UNC13C: variants seen among roughly 807,000 people sequenced by gnomAD.
UNC13C encodes protein unc-13 homolog C.
Under a neutral mutation model 245.4 loss-of-function variants are expected in UNC13C, and 174 were observed. That is an observed-to-expected ratio of 0.71 (90% confidence interval 0.63 to 0.80). UNC13C has a LOEUF of 0.80. Among genes scored for constraint, UNC13C ranks in the 30% least tolerant of loss-of-function variants. UNC13C has a pLI of 0.00. For synonymous variants in UNC13C, 992 were observed against 895.1 expected (o/e 1.11, Z -1.93); for missense variants, 2,829 against 2,602.9 (o/e 1.09, Z -1.89).
At chr15:54,510,940 C>T (rs1175875135) in intron 23 of UNC13C, among the ~76,000 whole-genome samples, 2 of 152,038 alleles carry the variant, frequency 1.3e-5, no homozygotes, top group African/African-American at 4.8e-5. Flanking sequence ...CACATCTAGA[C>T]CTGTCACAAA....
chr15:53,978,461 C>T lies in UNC13C; in HGVS notation c.-723C>T, dbSNP rs1472090173. ...CATTCAGAAAAGACTCAGCCGCAGC[C>T]GGCGATGTGTGAAGTTCCCAGCACG... On this transcript the variant is annotated 5_prime_UTR_variant, in exon 1 of 33. Coordinates refer to ENST00000260323, the MANE Select transcript of UNC13C (RefSeq NM_001080534.3). 7.9e-5 allele frequency among the ~76,000 whole-genome samples: 12 copies of T among 152,118 alleles called. No homozygotes were observed. The highest frequency in any genetic ancestry group is 2.2e-4 in the African/African-American group (9 of 41,416).
chr15:53,999,985 G>A (rs1894811674), intron 1 of UNC13C, among the ~76,000 whole-genome samples: 1 of 151,958 alleles, frequency 6.6e-6, no homozygotes, highest in Admixed American at 6.6e-5. Flanking sequence ...TGAGCTCTGT[G>A]CATATGAATA....
chr15:54,049,856 A>G (rs1455675820), intron 2 of UNC13C: 4 of 236,774 alleles, frequency 1.7e-5, no homozygotes, highest in East Asian at 1.3e-4. Flanking sequence ...GGCTGTAACT[A>G]TCCCATGCCT....
chr15:54,353,638 T>A (rs2039033160), intron 17 of UNC13C, among the ~76,000 whole-genome samples: 1 of 152,210 alleles, frequency 6.6e-6, no homozygotes, highest in African/African-American at 2.4e-5. Context: ...CTGGCCTCAT[T>A]TACTTAACCT....
intron 17 of UNC13C, among the ~76,000 whole-genome samples, chr15:54,369,340 G>A (rs993885966): frequency 3.3e-5 from 5 of 152,044 alleles, no homozygotes; most frequent in Admixed American, 6.6e-5. Context: ...TGCCTTTGCC[G>A]AAGCCCTTTT....
chr15:54,511,641 CTAATA>C lies in UNC13C; in HGVS notation c.5380-106_5380-102del, dbSNP rs1894744432. The C allele has an allele frequency of 7.1e-6, 5 of 704,544 alleles. No individual in the cohort carries two copies. The East Asian group carries it at 1.4e-4, about 20-fold the overall frequency. The allele number at this position is 704,544 out of a possible 1,614,324, so 43.6% of individuals were successfully genotyped here. On this transcript the variant is annotated intron_variant, in intron 23 of 32. Coordinates refer to ENST00000260323, the MANE Select transcript of UNC13C (RefSeq NM_001080534.3). Reference sequence around the variant, plus strand: ...GAAATAGCAGAATTAGTATATACATCTAATATAATAGGAATCCAAGATAGCTATTT... The same window carrying C: ...GAAATAGCAGAATTAGTATATACATCTAATAGGAATCCAAGATAGCTATTT...
intron 4 of UNC13C, among the ~76,000 whole-genome samples, chr15:54,180,669 T>C (rs1464944257): frequency 6.6e-6 from 1 of 152,078 alleles, no homozygotes; most frequent in Non-Finnish European, 1.5e-5. Flanking sequence ...CTGTTGTTTT[T>C]GACTTTTTAA....
At chr15:54,612,631 C>T (rs945995474) in intron 30 of UNC13C, among the ~76,000 whole-genome samples, 2 of 151,936 alleles carry the variant, frequency 1.3e-5, no homozygotes, top group Non-Finnish European at 2.9e-5. Flanking sequence ...TCATTGACTC[C>T]ATTCATTTAC....
Position 54,627,014 on chromosome 15 carries a change from G to A in UNC13C, c.6546G>A (p.Leu2182=), listed in dbSNP as rs1275033965. 1.2e-6 allele frequency: 2 copies of A among 1,613,380 alleles called. No homozygotes were observed. The highest frequency in any genetic ancestry group is 1.7e-5 in the Admixed American group (1 of 59,886). ...LKNISMDETG[L]TILRILSQRT... is the part of the protein sequence containing the mutation. ...ATATCTCTATGGATGAAACTGGTTTGACTATCCTTAGAATACTCTCTCAGA... is the reference window on the plus strand; with the variant it reads ...ATATCTCTATGGATGAAACTGGTTTAACTATCCTTAGAATACTCTCTCAGA... The change falls in exon 33 of 33, where the codon TTG becomes TTA. Residue 2182 remains leucine, a synonymous_variant. Transcript: ENST00000260323.
At chr15:54,587,151 G>A (rs571632217) in intron 30 of UNC13C, among the ~76,000 whole-genome samples, 5 of 152,010 alleles carry the variant, frequency 3.3e-5, no homozygotes, top group Non-Finnish European at 7.4e-5. Flanking sequence ...TCAAACTGTT[G>A]TGTCATGTTG....
At chr15:54,162,130 T>A (rs1327898421) in intron 4 of UNC13C, among the ~76,000 whole-genome samples, 1 of 152,202 alleles carries the variant, frequency 6.6e-6, no homozygotes, top group Admixed American at 6.5e-5. Context: ...TTCATGTGCA[T>A]GTGTGTACGT....
At chr15:53,962,854 C>T in the UNC13C span, among the ~76,000 whole-genome samples, 1 of 152,192 alleles carries the variant, frequency 6.6e-6, no homozygotes, top group Non-Finnish European at 1.5e-5. Context: ...CCTTCACTGC[C>T]CTCATCAGAA....
At chr15:54,269,548 AG>A (rs2036631801) in intron 10 of UNC13C, among the ~76,000 whole-genome samples, 1 of 152,170 alleles carries the variant, frequency 6.6e-6, no homozygotes, top group African/African-American at 2.4e-5. Flanking sequence ...AAATCAACTG[AG>A]TAATGATAAG....
chr15:54,213,826 A>T (rs752094994), intron 4 of UNC13C, among the ~76,000 whole-genome samples: 2 of 152,116 alleles, frequency 1.3e-5, no homozygotes, highest in Middle Eastern at 3.4e-3. Context: ...CAACTTGCCA[A>T]CCTAACAGGT....
chr15:54,515,803 G>C (rs1252999508), intron 24 of UNC13C, among the ~76,000 whole-genome samples: 1 of 152,144 alleles, frequency 6.6e-6, no homozygotes, highest in Non-Finnish European at 1.5e-5. Flanking sequence ...TTCATCTGTT[G>C]ACCACAGGCA....
intron 19 of UNC13C, among the ~76,000 whole-genome samples, chr15:54,456,874 T>G (rs1354987775): frequency 6.6e-6 from 1 of 152,106 alleles, no homozygotes; most frequent in Admixed American, 6.5e-5. Context: ...CTTCATTACT[T>G]TCTCTTGTCT....
At chr15:53,917,721 G>A in the UNC13C span, among the ~76,000 whole-genome samples, 1 of 152,164 alleles carries the variant, frequency 6.6e-6, no homozygotes, top group Non-Finnish European at 1.5e-5. Context: ...TCCCTAGAAA[G>A]TAACAAACTG....
In UNC13C at chr15:54,603,832, C is replaced by T. The variant is rs558687626; in HGVS notation, c.6107-18495C>T. ...GAGCTGAGGTCGCAGCACTGCACTC[C>T]AGTCTGGGAGACAGAGGGAGACTCC... On this transcript the variant is annotated intron_variant, in intron 30 of 32. Coordinates refer to ENST00000260323, the MANE Select transcript of UNC13C (RefSeq NM_001080534.3). 4.6e-5 allele frequency among the ~76,000 whole-genome samples: 7 copies of T among 152,240 alleles called. No homozygotes were observed. The South Asian group carries it at 1.5e-3, about 32-fold the overall frequency.
intron 19 of UNC13C, among the ~76,000 whole-genome samples, chr15:54,449,948 T>G (rs894298052): frequency 6.6e-6 from 1 of 152,182 alleles, no homozygotes; most frequent in Non-Finnish European, 1.5e-5. Context: ...CAGATGGGGT[T>G]TTGGTGTGGA....
Sources: allele counts gnomAD v4.1 joint callset (sites outside exome capture counted in the v4.1 genomes callset), GRCh38; gene constraint gnomAD v4.1.1; transcripts MANE v1.5; gene names NCBI Gene and HGNC (gene_info 2026-07-23, HGNC 2026-07-21).